KHDRBS2: variants seen among roughly 807,000 people sequenced by gnomAD.
KHDRBS2 encodes KH domain-containing, RNA-binding, signal transduction-associated protein 2.
In KHDRBS2, 26 loss-of-function variants were observed where a neutral mutation model predicts 44.3. The ratio of observed to expected loss-of-function variants is 0.59; its 90% confidence interval spans 0.43 to 0.81. KHDRBS2 has a LOEUF of 0.81. Among genes scored for constraint, KHDRBS2 ranks in the 40% least tolerant of loss-of-function variants. The pLI, the probability that KHDRBS2 is intolerant of heterozygous loss-of-function variation, is 0.00. For missense variants in KHDRBS2, 476 were observed against 433.1 expected (o/e 1.10, Z -0.88); for synonymous variants, 194 against 151.1 (o/e 1.28, Z -2.08).
chr6:61,724,128 C>A (rs1582413844), intron 7 of KHDRBS2, among the ~76,000 whole-genome samples: 4 of 152,218 alleles, frequency 2.6e-5, no homozygotes, highest in Admixed American at 2.6e-4. Context: ...TCAGTGGAAA[C>A]CCTATAAGCC....
rs895595765 is a variant in KHDRBS2 at position 61,951,306 on chromosome 6, G to T, written c.483+26760C>A. 3.1e-4 allele frequency among the ~76,000 whole-genome samples: 47 copies of T among 151,994 alleles called. 1 individual carries two copies. The highest frequency in any genetic ancestry group is 1.1e-3 in the African/African-American group (46 of 41,436). On this transcript the variant is annotated intron_variant, in intron 4 of 8. Transcript: ENST00000281156. ...AAGGAAGTAAATTCTCTTTGGAGAA[G>T]AAATTCTTCATGTGACTGTAAAGTG...
the KHDRBS2 span, among the ~76,000 whole-genome samples, chr6:61,602,168 C>A: frequency 6.6e-6 from 1 of 152,100 alleles, no homozygotes; most frequent in Non-Finnish European, 1.5e-5. Flanking sequence ...CCCTCAAATC[C>A]CACAACAGGA....
intron 2 of KHDRBS2, among the ~76,000 whole-genome samples, chr6:62,159,089 T>C (rs1279266516): frequency 6.7e-6 from 1 of 149,016 alleles, no homozygotes; most frequent in Non-Finnish European, 1.5e-5. Context: ...ATATTTAAAA[T>C]GATGACATGG....
At chr6:61,739,395 G>T (rs1363113463) in intron 6 of KHDRBS2, among the ~76,000 whole-genome samples, 1 of 151,820 alleles carries the variant, frequency 6.6e-6, no homozygotes, top group South Asian at 2.1e-4. Context: ...AATGATAGGA[G>T]CAACTTTGCT....
the KHDRBS2 span, among the ~76,000 whole-genome samples, chr6:61,602,020 C>T: frequency 7.0e-4 from 106 of 152,246 alleles, no homozygotes; most frequent in South Asian, 1.0e-3. Context: ...GCCCAGGTCA[C>T]GGCTTATTTG....
intron 1 of KHDRBS2, among the ~76,000 whole-genome samples, chr6:62,258,951 A>C (rs1479119933): frequency 6.6e-6 from 1 of 152,020 alleles, no homozygotes; most frequent in African/African-American, 2.4e-5. Flanking sequence ...CAATGACTTC[A>C]CTTCAAAGAG....
chr6:61,711,225 C>A (rs1199426430), intron 7 of KHDRBS2, among the ~76,000 whole-genome samples: 1 of 151,674 alleles, frequency 6.6e-6, no homozygotes, highest in Admixed American at 6.6e-5. Flanking sequence ...TCTTATGGAA[C>A]TTTAACTACC....
chr6:62,271,190 T>C (rs1290564412), intron 1 of KHDRBS2, among the ~76,000 whole-genome samples: 4 of 152,156 alleles, frequency 2.6e-5, no homozygotes, highest in African/African-American at 7.2e-5. Context: ...TGTGTATATA[T>C]AGTCATATGC....
At chr6:61,671,400 G>C in the KHDRBS2 span, among the ~76,000 whole-genome samples, 2 of 151,754 alleles carry the variant, frequency 1.3e-5, no homozygotes, top group Admixed American at 6.6e-5. Flanking sequence ...AGATAAGCCA[G>C]CTGTTGTTAG....
chr6:61,996,873 C>A (rs1233184220), intron 3 of KHDRBS2, among the ~76,000 whole-genome samples: 1 of 150,582 alleles, frequency 6.6e-6, no homozygotes, highest in Non-Finnish European at 1.5e-5. Flanking sequence ...AACCTCTGCG[C>A]CCGAGTTTAA....
chr6:61,902,525 ACACT>A (rs1047318968), intron 4 of KHDRBS2, among the ~76,000 whole-genome samples: 2 of 151,874 alleles, frequency 1.3e-5, no homozygotes, highest in African/African-American at 4.8e-5. Context: ...ACACACACAC[ACACT>A]CTCACACACC....
At chr6:62,237,251 T>G (rs1833852402) in intron 1 of KHDRBS2, among the ~76,000 whole-genome samples, 1 of 152,162 alleles carries the variant, frequency 6.6e-6, no homozygotes, top group Non-Finnish European at 1.5e-5. Context: ...ATAAAAAAAT[T>G]CATAATGGCT....
At chr6:61,788,840 G>A (rs1784211959) in intron 6 of KHDRBS2, among the ~76,000 whole-genome samples, 1 of 150,790 alleles carries the variant, frequency 6.6e-6, no homozygotes, top group Non-Finnish European at 1.5e-5. Context: ...ATATCATGAT[G>A]CCTGAAAAAA....
chr6:62,184,364 G>A (rs1238251084), intron 1 of KHDRBS2, among the ~76,000 whole-genome samples: 2 of 151,640 alleles, frequency 1.3e-5, no homozygotes, highest in South Asian at 2.1e-4. Flanking sequence ...CAAAAAATGG[G>A]TGAAGAAACA....
intron 6 of KHDRBS2, among the ~76,000 whole-genome samples, chr6:61,829,991 T>G (rs1326807186): frequency 6.6e-6 from 1 of 152,190 alleles, no homozygotes; most frequent in Non-Finnish European, 1.5e-5. Context: ...GGGAATTAAC[T>G]ATTTACTATT....
intron 7 of KHDRBS2, among the ~76,000 whole-genome samples, chr6:61,729,727 A>T (rs145154368): frequency 7.8e-4 from 118 of 152,204 alleles, no homozygotes; most frequent in Non-Finnish European, 1.4e-3. Context: ...TCTTATTTGC[A>T]ATTTGTATAT....
chr6:62,161,210 T>C (rs2150111890), intron 2 of KHDRBS2, among the ~76,000 whole-genome samples: 1 of 152,170 alleles, frequency 6.6e-6, no homozygotes, highest in South Asian at 2.1e-4. Context: ...TAGCATATAT[T>C]TGAATCACTT....
chr6:62,092,284 C>G (rs554572793), intron 2 of KHDRBS2, among the ~76,000 whole-genome samples: 1 of 152,178 alleles, frequency 6.6e-6, no homozygotes, highest in South Asian at 2.1e-4. Flanking sequence ...TACAGTACCA[C>G]AAAGAGACCT....
At chr6:62,234,047 A>C (rs1003531409) in intron 1 of KHDRBS2, among the ~76,000 whole-genome samples, 4 of 152,082 alleles carry the variant, frequency 2.6e-5, no homozygotes, top group African/African-American at 9.7e-5. Context: ...TTAAAAAAAA[A>C]ACAACTGGTC....
Sources: gnomAD v4.1 joint callset for allele counts (sites outside exome capture counted in the v4.1 genomes callset) on GRCh38, gnomAD v4.1.1 for gene constraint, MANE v1.5 for transcripts, NCBI Gene and HGNC (gene_info 2026-07-23, HGNC 2026-07-21) for gene names.